The following SNX13 variants were observed in gnomAD, a reference collection of about 807,000 sequenced individuals.
SNX13 encodes sorting nexin-13.
In SNX13, 45 loss-of-function variants were observed where a neutral mutation model predicts 133.6. That is an observed-to-expected ratio of 0.34 (90% confidence interval 0.27 to 0.43). SNX13 has a LOEUF of 0.43. Ranked by LOEUF, SNX13 falls within the 20% of genes least tolerant of loss-of-function variation. SNX13 has a pLI of 1.00. For missense variants in SNX13, 1,032 were observed against 1,145.1 expected, an observed-to-expected ratio of 0.90 and a Z score of 1.43; for synonymous variants, 414 against 373.9, an observed-to-expected ratio of 1.11 and a Z score of -1.24.
intron 1 of SNX13, among the ~76,000 whole-genome samples, chr7:17,929,222 C>T (rs1801120827): frequency 1.3e-5 from 2 of 151,860 alleles, no homozygotes; most frequent in South Asian, 4.2e-4. Context: ...TAGAGTGTAA[C>T]TATATAAAGG....
intron 5 of SNX13, among the ~76,000 whole-genome samples, chr7:17,886,870 A>G (rs1350661320): frequency 2.6e-5 from 4 of 151,704 alleles, no homozygotes; most frequent in Non-Finnish European, 5.9e-5. Flanking sequence ...GGTTCACTCT[A>G]TCGCTACATG....
At chr7:17,870,935 G>A (rs1380189279) in intron 8 of SNX13, among the ~76,000 whole-genome samples, 1 of 152,094 alleles carries the variant, frequency 6.6e-6, no homozygotes, top group East Asian at 1.9e-4. Flanking sequence ...CTCTAAGGAA[G>A]CGACATGTAG....
At chr7:17,889,276 TAC>T (rs1470405213) in intron 5 of SNX13, 1 of 152,298 alleles carries the variant, frequency 6.6e-6, no homozygotes, top group Non-Finnish European at 1.5e-5. Context: ...GGATGAGGAG[TAC>T]AAATCTATCT....
intron 2 of SNX13, 107 bp from the exon 3 acceptor site, chr7:17,893,541 C>G: frequency 1.5e-6 from 1 of 686,234 alleles, no homozygotes; most frequent in Non-Finnish European, 2.4e-6. Context: ...TTATCATTTA[C>G]TAAAAAGTCA....
At chr7:17,851,057 T>A in intron 9 of SNX13, 93 bp from the exon 10 acceptor site, 1 of 1,303,056 alleles carries the variant, frequency 7.7e-7, no homozygotes, top group Non-Finnish European at 1.0e-6. Flanking sequence ...CTAGGACAAT[T>A]TGCTACATAC....
intron 25 of SNX13, chr7:17,794,995 T>C (rs1783893702): frequency 6.6e-6 from 1 of 151,642 alleles, no homozygotes; most frequent in Non-Finnish European, 1.5e-5. Flanking sequence ...AGGATTTTGA[T>C]AGGTGCAATG....
chr7:17,821,168 C>T (rs922395216), intron 18 of SNX13, among the ~76,000 whole-genome samples: 1 of 152,236 alleles, frequency 6.6e-6, no homozygotes, highest in Admixed American at 6.5e-5. Flanking sequence ...ACAAAATGTC[C>T]TACAGCAATC....
intron 11 of SNX13, among the ~76,000 whole-genome samples, chr7:17,848,433 C>A (rs1003250450): frequency 1.3e-5 from 2 of 152,196 alleles, no homozygotes; most frequent in African/African-American, 4.8e-5. Context: ...TGTGCCCTCA[C>A]TGATGAAGGG....
chr7:17,921,785 GT>G (rs1800155154), intron 1 of SNX13, among the ~76,000 whole-genome samples: 1 of 152,238 alleles, frequency 6.6e-6, no homozygotes, highest in Non-Finnish European at 1.5e-5. Context: ...TAAGAGCATT[GT>G]TAGTTTGTGA....
Position 17,939,564 on chromosome 7 carries a change from G to C in SNX13, c.12+720C>G, listed in dbSNP as rs141410011. ...GCAATGCCCATTAGGCACTAGAAAA[G>C]GGAAATTGATTGGTTCGTCATAGTT... On this transcript the variant is annotated intron_variant, in intron 1 of 25. Transcript: ENST00000428135. Among the ~76,000 whole-genome samples, 11 of 152,310 alleles carry C rather than the reference G, an allele frequency of 7.2e-5. No individual in the cohort carries two copies. In the East Asian group the frequency reaches 2.1e-3, roughly 29 times the overall value.
chr7:17,798,624 T>G (rs1381189053), intron 24 of SNX13, 66 bp downstream of exon 24: 55 of 1,209,070 alleles, frequency 4.5e-5, no homozygotes, highest in Non-Finnish European at 2.3e-6. Context: ...GCAATGAAAG[T>G]TAATTAGTGA....
At chr7:17,837,614 T>C (rs760984466) in intron 13 of SNX13, among the ~76,000 whole-genome samples, 6 of 152,014 alleles carry the variant, frequency 3.9e-5, no homozygotes, top group Non-Finnish European at 5.9e-5. Flanking sequence ...GTCTTTTTCA[T>C]CTATAAATTC....
At chr7:17,903,080 T>C (rs1295843578) in intron 1 of SNX13, among the ~76,000 whole-genome samples, 4 of 152,144 alleles carry the variant, frequency 2.6e-5, no homozygotes, top group South Asian at 4.1e-4. Flanking sequence ...TATAGTACCA[T>C]TTTCTTTGCT....
At chr7:17,874,867 T>C (rs548159204) in intron 7 of SNX13, among the ~76,000 whole-genome samples, 162 of 152,326 alleles carry the variant, frequency 1.1e-3, no homozygotes, top group African/African-American at 3.7e-3. Flanking sequence ...CACTGTATCA[T>C]TCCCTTAGGA....
At chr7:17,809,680 C>G (rs1421784959) in intron 20 of SNX13, among the ~76,000 whole-genome samples, 1 of 152,204 alleles carries the variant, frequency 6.6e-6, no homozygotes, top group Non-Finnish European at 1.5e-5. Flanking sequence ...CTTCTCAGCA[C>G]CACATCGCAC....
chr7:17,809,803 A>G (rs1785784917), intron 20 of SNX13, among the ~76,000 whole-genome samples: 2 of 152,234 alleles, frequency 1.3e-5, no homozygotes, highest in African/African-American at 4.8e-5. Context: ...ATTAGAACTC[A>G]GGATTAAGAA....
At chr7:17,866,745 G>T (rs895786987) in intron 9 of SNX13, among the ~76,000 whole-genome samples, 2 of 152,150 alleles carry the variant, frequency 1.3e-5, no homozygotes. Flanking sequence ...AATGGCTAAT[G>T]GGTATAAAAC....
chr7:17,913,624 C>T (rs567300218), intron 1 of SNX13, among the ~76,000 whole-genome samples: 4 of 152,158 alleles, frequency 2.6e-5, no homozygotes, highest in African/African-American at 9.6e-5. Context: ...GGAACCCATA[C>T]AGAGCCTTGG....
chr7:17,834,982 G>C (rs1055346679), intron 13 of SNX13, 117 bp from the exon 14 acceptor site: 1 of 620,380 alleles, frequency 1.6e-6, no homozygotes, highest in African/African-American at 1.9e-5. Context: ...AAGAATCATT[G>C]GTTTGTAAAC....
Sources: gnomAD v4.1 joint callset for allele counts (sites outside exome capture counted in the v4.1 genomes callset) on GRCh38, gnomAD v4.1.1 for gene constraint, MANE v1.5 for transcripts, NCBI Gene and HGNC (gene_info 2026-07-23, HGNC 2026-07-21) for gene names.